Variants in SH3GL2 observed in about 807,000 individuals in gnomAD.
SH3GL2 encodes the protein endophilin-A1.
In SH3GL2, 24 loss-of-function variants were observed where a neutral mutation model predicts 46.0. That is an observed-to-expected ratio of 0.52 (90% confidence interval 0.38 to 0.73). SH3GL2 has a LOEUF of 0.73. SH3GL2 is among the 30% of genes least tolerant of loss of function. The pLI is 0.00. For missense variants in SH3GL2, 413 were observed against 424.2 expected (o/e 0.97, Z 0.23); for synonymous variants, 196 against 147.1 (o/e 1.33, Z -2.40).
At chr9:17,655,016 G>T (rs1466541813) in intron 1 of SH3GL2, among the ~76,000 whole-genome samples, 1 of 152,156 alleles carries the variant, frequency 6.6e-6, no homozygotes, top group Non-Finnish European at 1.5e-5. Context: ...AGATCAAATA[G>T]TTCTTTGCTT....
intron 1 of SH3GL2, among the ~76,000 whole-genome samples, chr9:17,676,283 G>A (rs1820606698): frequency 6.6e-6 from 1 of 151,968 alleles, no homozygotes; most frequent in Admixed American, 6.6e-5. Context: ...ATCTAAAATG[G>A]GAAGAATTAT....
At chr9:17,629,336 A>G (rs1343148762) in intron 1 of SH3GL2, among the ~76,000 whole-genome samples, 2 of 152,218 alleles carry the variant, frequency 1.3e-5, no homozygotes, top group African/African-American at 2.4e-5. Flanking sequence ...AAATTGTGAG[A>G]TCACGTCTGT....
intron 1 of SH3GL2, among the ~76,000 whole-genome samples, chr9:17,601,647 T>A (rs1310483982): frequency 6.6e-6 from 1 of 152,228 alleles, no homozygotes; most frequent in African/African-American, 2.4e-5. Flanking sequence ...AGTAGTTAAA[T>A]TTTTTGTAGG....
At chr9:17,645,138 A>T (rs1819776588) in intron 1 of SH3GL2, among the ~76,000 whole-genome samples, 3 of 115,690 alleles carry the variant, frequency 2.6e-5, no homozygotes. Flanking sequence ...AGAGACTAGG[A>T]TTGCAAACGC....
intron 1 of SH3GL2, among the ~76,000 whole-genome samples, chr9:17,745,902 G>A (rs1822667983): frequency 6.6e-6 from 1 of 152,132 alleles, no homozygotes; most frequent in Non-Finnish European, 1.5e-5. Context: ...GTAATACAGT[G>A]ACAACTTAGG....
chr9:17,679,113 G>A (rs868082034), intron 1 of SH3GL2, among the ~76,000 whole-genome samples: 7 of 152,118 alleles, frequency 4.6e-5, no homozygotes, highest in Admixed American at 1.3e-4. Flanking sequence ...TTGGCAATGC[G>A]GGCTCTTTTT....
At chr9:17,769,627 CCCTGTACAGTCCTTT>C (rs1478663601) in intron 3 of SH3GL2, among the ~76,000 whole-genome samples, 1 of 152,116 alleles carries the variant, frequency 6.6e-6, no homozygotes. Context: ...GATGCCGTCT[CCCTGTACAGTCCTTT>C]CCTGCCCCGA....
intron 1 of SH3GL2, among the ~76,000 whole-genome samples, chr9:17,617,411 T>C (rs9407816): frequency 0.25 from 37,651 of 152,126 alleles, 4,789 homozygotes; most frequent in South Asian, 0.31. Flanking sequence ...ATAGGCATCA[T>C]TGGAGTAGAA....
intron 2 of SH3GL2, among the ~76,000 whole-genome samples, chr9:17,760,411 G>GATATTATATACCGGTAT (rs367800265): frequency 6.6e-6 from 1 of 151,850 alleles, no homozygotes; most frequent in South Asian, 2.1e-4. Flanking sequence ...ATGCAAGGCT[G>GATATTATATACCGGTAT]ATATTATATA....
intron 1 of SH3GL2, among the ~76,000 whole-genome samples, chr9:17,714,866 T>C (rs61430844): frequency 0.11 from 16,472 of 151,740 alleles, 2,963 homozygotes; most frequent in African/African-American, 0.37. Context: ...GTATCATTTG[T>C]TTTTTGCTTG....
At chr9:17,719,424 A>G (rs143458031) in intron 1 of SH3GL2, among the ~76,000 whole-genome samples, 1,618 of 152,228 alleles carry the variant, frequency 0.011, 16 homozygotes, top group Middle Eastern at 0.027. Flanking sequence ...TGAAGAAGGG[A>G]CAGAATCTTG....
chr9:17,758,560 TCAAAAAAAAAA>T, intron 2 of SH3GL2, among the ~76,000 whole-genome samples: 1 of 6,172 alleles, frequency 1.6e-4, no homozygotes, highest in Non-Finnish European at 3.9e-4. Flanking sequence ...AGACCCTGTC[TCAAAAAAAAAA>T]AAAAAAAAAA....
chr9:17,626,141 G>C (rs1819275392), intron 1 of SH3GL2, among the ~76,000 whole-genome samples: 1 of 152,210 alleles, frequency 6.6e-6, no homozygotes, highest in African/African-American at 2.4e-5. Flanking sequence ...AGCAGATGGA[G>C]CCTGTGGGAG....
chr9:17,619,422 A>G (rs1819079879), intron 1 of SH3GL2, among the ~76,000 whole-genome samples: 1 of 152,244 alleles, frequency 6.6e-6, no homozygotes, highest in Non-Finnish European at 1.5e-5. Flanking sequence ...TCACGCCTGT[A>G]ATCCCAGCAC....
At chr9:17,607,276 TTACCA>T (rs1818778479) in intron 1 of SH3GL2, among the ~76,000 whole-genome samples, 2 of 152,330 alleles carry the variant, frequency 1.3e-5, no homozygotes, top group African/African-American at 4.8e-5. Context: ...GTACAGCATA[TTACCA>T]TACTGAATGT....
intron 2 of SH3GL2, among the ~76,000 whole-genome samples, chr9:17,751,479 CGT>C (rs58212352): frequency 0.029 from 4,193 of 145,940 alleles, 61 homozygotes; most frequent in Non-Finnish European, 0.039. Context: ...TTTGTGTGTG[CGT>C]GTGTGTGTGT....
chr9:17,712,705 G>T (rs922770652), intron 1 of SH3GL2, among the ~76,000 whole-genome samples: 2 of 151,762 alleles, frequency 1.3e-5, no homozygotes, highest in African/African-American at 4.8e-5. Flanking sequence ...GATTACAGTA[G>T]CTTTATGATA....
At chr9:17,739,998 C>T (rs769779200) in intron 1 of SH3GL2, among the ~76,000 whole-genome samples, 1 of 152,250 alleles carries the variant, frequency 6.6e-6, no homozygotes, top group South Asian at 2.1e-4. Context: ...TTAACTCACT[C>T]AAACTCATTT....
intron 1 of SH3GL2, among the ~76,000 whole-genome samples, chr9:17,664,619 G>T (rs7031459): frequency 0.53 from 80,078 of 151,608 alleles, 22,440 homozygotes; most frequent in African/African-American, 0.7. Context: ...GCAAGTGATA[G>T]TGGCTCTACA....
Sources: allele counts gnomAD v4.1 joint callset (sites outside exome capture counted in the v4.1 genomes callset), GRCh38; gene constraint gnomAD v4.1.1; transcripts MANE v1.5; gene names NCBI Gene and HGNC (gene_info 2026-07-23, HGNC 2026-07-21).